The following TFPI variants were observed in gnomAD, a reference collection of about 807,000 sequenced individuals.
TFPI encodes the protein anti-convertin.
A neutral mutation model predicts 34.6 loss-of-function variants in TFPI; 15 were observed. That is an observed-to-expected ratio of 0.43 (90% CI 0.29 to 0.67). The LOEUF is 0.67. TFPI is among the 30% of genes least tolerant of loss of function. The pLI, the probability that TFPI is intolerant of heterozygous loss-of-function variation, is 0.15. For synonymous variants in TFPI, 105 were observed against 120.1 expected, an observed-to-expected ratio of 0.87 and a Z score of 0.82; for missense variants, 301 against 364.0, an observed-to-expected ratio of 0.83 and a Z score of 1.41.
chr2:187,470,095 T>A (rs544017422), intron 6 of TFPI, among the ~76,000 whole-genome samples: 1 of 152,294 alleles, frequency 6.6e-6, no homozygotes, highest in South Asian at 2.1e-4. Flanking sequence ...CTTTTTTTCC[T>A]GTTTAAACAC....
intron 1 of TFPI, among the ~76,000 whole-genome samples, chr2:187,512,605 C>T (rs1686721969): frequency 1.3e-5 from 2 of 151,454 alleles, no homozygotes; most frequent in East Asian, 1.9e-4. Context: ...ATTGAAATCC[C>T]AAACTTACAA....
chr2:187,525,302 T>C (rs1687618569), intron 1 of TFPI, among the ~76,000 whole-genome samples: 1 of 152,112 alleles, frequency 6.6e-6, no homozygotes, highest in Non-Finnish European at 1.5e-5. Context: ...TCATGGACAC[T>C]TCACCATACA....
At chr2:187,481,095 A>C (rs1230084283) in intron 6 of TFPI, among the ~76,000 whole-genome samples, 1 of 152,048 alleles carries the variant, frequency 6.6e-6, no homozygotes, top group African/African-American at 2.4e-5. Flanking sequence ...ATAATAATTG[A>C]ATTTTAGAAT....
At chr2:187,486,077 A>G (rs781626641) in intron 4 of TFPI, among the ~76,000 whole-genome samples, 81 of 151,738 alleles carry the variant, frequency 5.3e-4, no homozygotes, top group Non-Finnish European at 7.5e-4. Context: ...ACTTCCTACT[A>G]TAATATAGTT....
At chr2:187,473,873 A>G (rs1182369512) in intron 6 of TFPI, among the ~76,000 whole-genome samples, 1 of 151,892 alleles carries the variant, frequency 6.6e-6, no homozygotes, top group Non-Finnish European at 1.5e-5. Context: ...GAGGGTTGCC[A>G]GTGAACTTAA....
At chr2:187,497,390 G>A (rs1362796829) in intron 2 of TFPI, among the ~76,000 whole-genome samples, 3 of 151,914 alleles carry the variant, frequency 2.0e-5, no homozygotes, top group Admixed American at 2.0e-4. Flanking sequence ...TTTTAACTCA[G>A]CTAATGGACA....
intron 1 of TFPI, among the ~76,000 whole-genome samples, chr2:187,534,199 A>AGAAT (rs1360540992): frequency 6.6e-6 from 1 of 152,216 alleles, no homozygotes; most frequent in East Asian, 1.9e-4. Context: ...CCAACATTCA[A>AGAAT]ATTCAGGAAA....
chr2:187,531,719 A>G (rs895050377), intron 1 of TFPI, among the ~76,000 whole-genome samples: 1 of 152,128 alleles, frequency 6.6e-6, no homozygotes, highest in Non-Finnish European at 1.5e-5. Flanking sequence ...TTTATGTTTG[A>G]TGCCATTTAC....
chr2:187,528,628 CAT>C (rs1306915076), intron 1 of TFPI, among the ~76,000 whole-genome samples: 1 of 152,114 alleles, frequency 6.6e-6, no homozygotes, highest in African/African-American at 2.4e-5. Context: ...TTATAACAAT[CAT>C]AATGTAAATA....
chr2:187,530,089 TAAG>T (rs1275507234), intron 1 of TFPI, among the ~76,000 whole-genome samples: 1 of 152,172 alleles, frequency 6.6e-6, no homozygotes, highest in Non-Finnish European at 1.5e-5. Flanking sequence ...TTGCTCACAA[TAAG>T]AAGGAAAGAC....
At chr2:187,503,588 T>C in intron 2 of TFPI, 60 bp downstream of exon 2, 10 of 1,565,926 alleles carry the variant, frequency 6.4e-6, no homozygotes, top group Non-Finnish European at 7.8e-6. Flanking sequence ...TGGTAGATTT[T>C]TTAGATTAAA....
At chr2:187,535,082 A>C (rs1688176123) in intron 1 of TFPI, among the ~76,000 whole-genome samples, 1 of 152,172 alleles carries the variant, frequency 6.6e-6, no homozygotes, top group Non-Finnish European at 1.5e-5. Context: ...ACCCAGATTC[A>C]TAAAGCAAGT....
At chr2:187,509,533 G>A (rs1448575195) in intron 1 of TFPI, among the ~76,000 whole-genome samples, 1 of 152,170 alleles carries the variant, frequency 6.6e-6, no homozygotes, top group Non-Finnish European at 1.5e-5. Flanking sequence ...TTGGGAGGGT[G>A]TATATGTCCA....
At chr2:187,484,053 A>G (rs1693071010) in intron 6 of TFPI, 71 bp downstream of exon 6, 2 of 1,260,146 alleles carry the variant, frequency 1.6e-6, no homozygotes, top group African/African-American at 1.5e-5. Context: ...ACATACTTCT[A>G]ATACACAATC....
Position 187,465,837 on chromosome 2 carries a change from T to C in TFPI, c.*1099A>G, listed in dbSNP as rs1691697816. On this transcript the variant is annotated 3_prime_UTR_variant, in exon 8 of 8. Transcript: ENST00000233156. ...GAGGTGAACACTACAGAAACTGACA[T>C]GTCTTGGAGGTTGTTGAGGTTGTTG... 6.6e-6 allele frequency: 1 copy of C among 152,056 alleles called. No homozygotes were observed. Among genetic ancestry groups the C allele is most frequent in the African/African-American group, 2.4e-5 (1 of 41,416 alleles). 9.4% of individuals were successfully genotyped at this position (152,056 alleles called of 1,614,324 possible). A position where few individuals can be genotyped will look rare whatever the true frequency, so the allele number is the denominator to read the frequency against.
Position 187,478,630 on chromosome 2 carries a change from A to T in TFPI, c.628+5494T>A, listed in dbSNP as rs776930388. On this transcript the variant is annotated intron_variant, in intron 6 of 7. Coordinates refer to ENST00000233156, the MANE Select transcript of TFPI (RefSeq NM_006287.6). ...TTATTAGCAGTATGCTATCAAAGGC[A>T]TCACGTATACATATAAATATTAAGG... The T allele has an allele frequency of 1.9e-6, 3 of 1,591,564 alleles. No individual in the cohort carries two copies. The South Asian group carries it at 3.4e-5, about 18-fold the overall frequency.
At chr2:187,486,674 T>C (rs1693293005) in intron 4 of TFPI, among the ~76,000 whole-genome samples, 2 of 151,596 alleles carry the variant, frequency 1.3e-5, no homozygotes, top group African/African-American at 4.8e-5. Context: ...AATCAAAAAA[T>C]TAATTTCCCA....
intron 1 of TFPI, among the ~76,000 whole-genome samples, chr2:187,512,295 A>G (rs962368188): frequency 6.6e-6 from 1 of 150,780 alleles, no homozygotes; most frequent in African/African-American, 2.4e-5. Flanking sequence ...AAAAAAAAAA[A>G]GACAAAAAGG....
chr2:187,538,456 A>G (rs1246131696), intron 1 of TFPI, among the ~76,000 whole-genome samples: 1 of 152,208 alleles, frequency 6.6e-6, no homozygotes, highest in African/African-American at 2.4e-5. Context: ...GAAGCTGGAA[A>G]CCATCATTCT....
Sources: allele counts gnomAD v4.1 joint callset (sites outside exome capture counted in the v4.1 genomes callset), GRCh38; gene constraint gnomAD v4.1.1; transcripts MANE v1.5; gene names NCBI Gene and HGNC (gene_info 2026-07-23, HGNC 2026-07-21).